Variants in ANKRD26 observed in about 807,000 individuals in gnomAD.
ANKRD26 encodes the protein ankyrin repeat domain-containing protein 26.
ANKRD26 carries 141 observed loss-of-function variants against 208.7 expected under a neutral mutation model. The observed-to-expected ratio is 0.68, with a 90% CI of 0.59 to 0.78. The LOEUF (loss-of-function observed/expected upper bound fraction) is 0.78. ANKRD26 is among the 30% of genes least tolerant of loss of function. The probability of loss-of-function intolerance (pLI) is 0.00; values close to 1 mark genes in which losing one functional copy is unlikely to be tolerated. For missense variants in ANKRD26, 1,889 were observed against 1,938.7 expected (o/e 0.97, Z 0.48); for synonymous variants, 636 against 660.4 (o/e 0.96, Z 0.57).
At chr10:27,044,698 C>T (rs1330602995) in intron 18 of ANKRD26, among the ~76,000 whole-genome samples, 3 of 152,056 alleles carry the variant, frequency 2.0e-5, no homozygotes, top group Non-Finnish European at 4.4e-5. Context: ...AAGCACTGTA[C>T]ATATATTAAA....
At chr10:27,099,562 T>TG (rs11404415) in intron 1 of ANKRD26, among the ~76,000 whole-genome samples, 45,093 of 113,204 alleles carry the variant, frequency 0.4, 9,416 homozygotes, top group East Asian at 0.64. Flanking sequence ...CTATTAGAGT[T>TG]GGGGGGGGGG....
At position 27,034,988 on chromosome 10, in the gene ANKRD26, G is replaced by A. The variant is rs376386937; in HGVS notation, c.3462C>T (p.His1154=). The A allele has an allele frequency of 1.2e-4, 189 of 1,613,916 alleles. No individual in the cohort carries two copies. Among genetic ancestry groups the A allele is most frequent in the Non-Finnish European group, 1.5e-4 (181 of 1,179,962 alleles). The change falls in exon 24 of 34, where the codon CAC becomes CAT. Residue 1154 remains histidine (H), a synonymous_variant. Transcript: ENST00000376087. ...TCTTCTCTTTATTGTCAGCCTTGTT[G>A]TGGGCATCATCCAGTTGTTGTCGAA... ...MLLRQQLDDA[H]NKADNKEKTV...
chr10:27,002,040 G>A (rs1254120333), downstream of ANKRD26, among the ~76,000 whole-genome samples: 2 of 152,190 alleles, frequency 1.3e-5, no homozygotes, highest in African/African-American at 4.8e-5. Context: ...ACAGAGTCAG[G>A]AGGCAACCAT....
intron 9 of ANKRD26, among the ~76,000 whole-genome samples, chr10:27,071,660 A>G (rs564240530): frequency 9.2e-5 from 14 of 152,150 alleles, no homozygotes; most frequent in Non-Finnish European, 2.1e-4. Context: ...AGAAAAACTT[A>G]AAGAAACCAG....
chr10:26,990,845 A>C (rs979919750), downstream of ANKRD26, among the ~76,000 whole-genome samples: 2 of 152,244 alleles, frequency 1.3e-5, no homozygotes, highest in African/African-American at 2.4e-5. Flanking sequence ...AACACTGATC[A>C]CACCAATTAT....
chr10:26,969,624 C>G (rs1422777434), downstream of ANKRD26, among the ~76,000 whole-genome samples: 10 of 152,070 alleles, frequency 6.6e-5, no homozygotes, highest in Admixed American at 6.5e-4. Flanking sequence ...GTCACTAATT[C>G]CAAACAAGTT....
chr10:27,066,043 T>G (rs2055233212), intron 11 of ANKRD26, among the ~76,000 whole-genome samples: 1 of 151,668 alleles, frequency 6.6e-6, no homozygotes. Context: ...TTTGTATTTT[T>G]GTAGAGATGG....
At chr10:27,034,337 T>C (rs1261282713) in intron 24 of ANKRD26, among the ~76,000 whole-genome samples, 2 of 152,206 alleles carry the variant, frequency 1.3e-5, no homozygotes, top group Non-Finnish European at 2.9e-5. Flanking sequence ...TTAAGAGATA[T>C]AGCAATATAC....
chr10:26,963,903 GTTTTTT>G, the ANKRD26 span, among the ~76,000 whole-genome samples: 2 of 71,850 alleles, frequency 2.8e-5, no homozygotes, highest in South Asian at 5.4e-4. Flanking sequence ...TGGTTGGTTG[GTTTTTT>G]TTTTTTTTTT....
downstream of ANKRD26, among the ~76,000 whole-genome samples, chr10:26,972,107 C>T (rs974950447): frequency 3.0e-4 from 46 of 151,784 alleles, no homozygotes; most frequent in African/African-American, 8.7e-4. Context: ...TGGTGGCGGG[C>T]GCCTGTAGTC....
Position 27,035,238 on chromosome 10 carries a change from C to T in ANKRD26, c.3212G>A (p.Ser1071Asn). 2 of 1,613,970 alleles carry T rather than the reference C, an allele frequency of 1.2e-6. No homozygotes were observed. Among genetic ancestry groups the T allele is most frequent in the Non-Finnish European group, 8.5e-7 (1 of 1,179,926 alleles). Residue 1071 changes from serine (S) to asparagine (N), a missense_variant, in exon 24 of 34, where the codon AGT becomes AAT. By Grantham distance (46) the Ser-to-Asn change is conservative. Transcript: ENST00000376087. The part of the protein sequence containing the change: ...ILSQQLFKTE[S>N]KLNSLEIEFH... ...CTCAATTTCTAGGCTATTGAGTTTA[C>T]TTTCAGTTTTAAATAGTTGTTGAGA... is the stretch of plus-strand genomic sequence containing the variant.
intron 11 of ANKRD26, among the ~76,000 whole-genome samples, chr10:27,064,698 C>T (rs2055178245): frequency 2.0e-5 from 3 of 152,014 alleles, no homozygotes; most frequent in Non-Finnish European, 4.4e-5. Flanking sequence ...TTTGATACAA[C>T]TTTTACTGAT....
chr10:27,056,514 A>G (rs1368742709), intron 15 of ANKRD26, among the ~76,000 whole-genome samples: 1 of 151,270 alleles, frequency 6.6e-6, no homozygotes, highest in East Asian at 2.0e-4. Context: ...GCAAGGTTAC[A>G]TGCCTGTAAT....
chr10:26,978,182 G>A (rs1181353422), intron 5 of ANKRD26, among the ~76,000 whole-genome samples: 1 of 152,148 alleles, frequency 6.6e-6, no homozygotes, highest in East Asian at 1.9e-4. Context: ...AGGGTGCAGT[G>A]GCTCATGTCT....
intron 10 of ANKRD26, 110 bp downstream of exon 10, chr10:27,067,047 T>C (rs2055277061): frequency 8.0e-6 from 10 of 1,250,816 alleles, no homozygotes; most frequent in Non-Finnish European, 1.1e-5. Context: ...CCTCAGGTGA[T>C]CCACCTGCCT....
chr10:27,054,241 C>G, intron 15 of ANKRD26, among the ~76,000 whole-genome samples: 1 of 152,148 alleles, frequency 6.6e-6, no homozygotes, highest in Admixed American at 6.5e-5. Context: ...CTATTTTACT[C>G]GATAATTATT....
chr10:27,044,634 C>T (rs150645648), intron 18 of ANKRD26, among the ~76,000 whole-genome samples: 78 of 151,706 alleles, frequency 5.1e-4, no homozygotes, highest in Middle Eastern at 3.4e-3. Flanking sequence ...TTTTGAATGA[C>T]GGTATTAGTT....
intron 29 of ANKRD26, among the ~76,000 whole-genome samples, chr10:27,020,186 A>C (rs781451062): frequency 1.3e-5 from 2 of 152,216 alleles, no homozygotes; most frequent in South Asian, 4.1e-4. Context: ...GACACACAAC[A>C]TTGTACATAT....
downstream of ANKRD26, among the ~76,000 whole-genome samples, chr10:26,991,125 G>C (rs142168460): frequency 3.1e-3 from 477 of 152,262 alleles, 4 homozygotes; most frequent in African/African-American, 0.011. Flanking sequence ...GGGGAGGTCA[G>C]GGATCCCTGG....
Sources: gnomAD v4.1 joint callset for allele counts (sites outside exome capture counted in the v4.1 genomes callset) on GRCh38, gnomAD v4.1.1 for gene constraint, MANE v1.5 for transcripts, NCBI Gene and HGNC (gene_info 2026-07-23, HGNC 2026-07-21) for gene names.